Variants in LPCAT3 observed in about 807,000 individuals in gnomAD.
The protein encoded by LPCAT3 is lysophosphatidylcholine acyltransferase 3.
In LPCAT3, 21 loss-of-function variants were observed where a neutral mutation model predicts 63.4. The ratio of observed to expected loss-of-function variants is 0.33; its 90% confidence interval spans 0.23 to 0.48. The LOEUF is 0.48. LPCAT3 is among the 20% of genes least tolerant of loss of function. LPCAT3 has a pLI of 0.99. For missense variants in LPCAT3, 451 were observed against 590.6 expected (o/e 0.76, Z 2.45); for synonymous variants, 242 against 227.5 (o/e 1.06, Z -0.58).
chr12:7,003,994 T>C (rs1946708982), intron 1 of LPCAT3, among the ~76,000 whole-genome samples: 1 of 151,538 alleles, frequency 6.6e-6, no homozygotes, highest in Non-Finnish European at 1.5e-5. Context: ...TCCCAATTCC[T>C]GAAGGGAGGT....
chr12:6,996,058 TCTCA>T (rs1946633425), intron 1 of LPCAT3, among the ~76,000 whole-genome samples: 1 of 152,156 alleles, frequency 6.6e-6, no homozygotes, highest in South Asian at 2.1e-4. Flanking sequence ...AGGCCTCTAT[TCTCA>T]CTCAGATCAA....
intron 1 of LPCAT3, among the ~76,000 whole-genome samples, chr12:6,989,728 T>G (rs1329976305): frequency 6.6e-6 from 1 of 152,150 alleles, no homozygotes; most frequent in East Asian, 1.9e-4. Context: ...CAGTTCCAAG[T>G]GCTGTTTGTG....
At chr12:6,995,389 G>A (rs1380806084) in intron 1 of LPCAT3, among the ~76,000 whole-genome samples, 4 of 151,546 alleles carry the variant, frequency 2.6e-5, no homozygotes, top group African/African-American at 7.3e-5. Context: ...CAGGAGAATC[G>A]CTTGAACCCA....
At chr12:6,979,309 A>T (rs1285513092) in intron 7 of LPCAT3, 162 bp downstream of exon 7, 1 of 627,612 alleles carries the variant, frequency 1.6e-6, no homozygotes, top group Non-Finnish European at 2.8e-6. Flanking sequence ...GCTGATGAAC[A>T]TGTCCCAGCA....
In LPCAT3 at chr12:6,987,892, G is replaced by A. The variant is rs1404488530; in HGVS notation, c.152-4353C>T. On this transcript the variant is annotated intron_variant, in intron 1 of 12. Transcript: ENST00000261407. The surrounding 1 kb of genome is among the most constrained non-coding windows in gnomAD (Gnocchi z 4.1). Reference sequence around the variant, plus strand: ...CAAGGCCTACACTGTCCTGAGTTCTGAGTTCTTGTGTCCACTTCTTATAGC... The same window carrying A: ...CAAGGCCTACACTGTCCTGAGTTCTAAGTTCTTGTGTCCACTTCTTATAGC... The A allele has an allele frequency of 5.0e-6, 2 of 400,538 alleles. No individual in the cohort carries two copies. The highest frequency in any genetic ancestry group is 8.8e-6 in the Non-Finnish European group (2 of 226,172). 24.8% of individuals were successfully genotyped at this position (400,538 alleles called of 1,614,324 possible). A position where few individuals can be genotyped will look rare whatever the true frequency, so the allele number is the denominator to read the frequency against.
At chr12:6,988,710 C>A (rs1946554124) in intron 1 of LPCAT3, among the ~76,000 whole-genome samples, 1 of 152,096 alleles carries the variant, frequency 6.6e-6, no homozygotes, top group South Asian at 2.1e-4. Context: ...TCTGACAGCC[C>A]CACTAACATC....
intron 1 of LPCAT3, among the ~76,000 whole-genome samples, chr12:7,009,680 C>G (rs957860296): frequency 2.6e-5 from 4 of 152,176 alleles, no homozygotes; most frequent in African/African-American, 9.7e-5. Context: ...GATCTTGGGT[C>G]AAGCATGGTT....
intron 1 of LPCAT3, among the ~76,000 whole-genome samples, chr12:7,012,023 T>A (rs1182146130): frequency 6.6e-6 from 1 of 152,212 alleles, no homozygotes; most frequent in Non-Finnish European, 1.5e-5. Context: ...CAAAGGGAAC[T>A]AAACTGCAGG....
intron 1 of LPCAT3, chr12:6,988,242 A>G (rs186967422): frequency 6.4e-6 from 1 of 157,010 alleles, no homozygotes; most frequent in African/African-American, 2.4e-5. Flanking sequence ...ACATGAGAAG[A>G]AGGCGGAGGA....
chr12:6,988,874 C>G (rs1946558203), intron 1 of LPCAT3, among the ~76,000 whole-genome samples: 1 of 152,142 alleles, frequency 6.6e-6, no homozygotes, highest in Non-Finnish European at 1.5e-5. Context: ...CGCCTGTAAT[C>G]CCAGCACTTT....
At chr12:7,016,722 A>T (rs1591560472) in intron 1 of LPCAT3, among the ~76,000 whole-genome samples, 4 of 152,372 alleles carry the variant, frequency 2.6e-5, no homozygotes, top group African/African-American at 9.6e-5. Context: ...CAATGTCAAA[A>T]ATAACTGGGT....
intron 1 of LPCAT3, among the ~76,000 whole-genome samples, chr12:7,001,978 A>G (rs1946690563): frequency 6.6e-6 from 1 of 152,108 alleles, no homozygotes; most frequent in African/African-American, 2.4e-5. Context: ...TGCATTTTAT[A>G]TGCTAGAGCT....
At chr12:7,014,649 C>G (rs1555157439) in intron 1 of LPCAT3, among the ~76,000 whole-genome samples, 1 of 151,960 alleles carries the variant, frequency 6.6e-6, no homozygotes, top group South Asian at 2.1e-4. Context: ...GTAATTCCAG[C>G]ACTTTGGGAG....
At chr12:7,014,585 TAAAAATTGCAGCCTCGGCTGGGCGC>T (rs1464697389) in intron 1 of LPCAT3, among the ~76,000 whole-genome samples, 1 of 152,126 alleles carries the variant, frequency 6.6e-6, no homozygotes, top group Non-Finnish European at 1.5e-5. Context: ...TATTGAATAT[TAAAAATTGCAGCCTCGGCTGGGCGC>T]GGTGGCTCAT....
rs1555154873 is a variant in LPCAT3 at position 6,986,746 on chromosome 12, C to T, written c.152-3207G>A. Reference sequence around the variant, plus strand: ...TGCAGTGAGCAGAGATTGCAGTGAGCAGAGAGAGCCACTGCACTCCAGCCT... The same window carrying T: ...TGCAGTGAGCAGAGATTGCAGTGAGTAGAGAGAGCCACTGCACTCCAGCCT... On this transcript the variant is annotated intron_variant, in intron 1 of 12. Coordinates refer to ENST00000261407, the MANE Select transcript of LPCAT3 (RefSeq NM_005768.6). Among the ~76,000 whole-genome samples the T allele has an allele frequency of 7.7e-3, 999 of 130,316 alleles. 13 individuals are homozygous for T. Among genetic ancestry groups the T allele is most frequent in the African/African-American group, 0.027 (916 of 33,496 alleles). The allele number at this position is 130,316 out of a possible 152,430, so 85.5% of individuals were successfully genotyped here. A position where few individuals can be genotyped will look rare whatever the true frequency, so the allele number is the denominator to read the frequency against.
chr12:6,990,189 AAAATAAATAAAT>A (rs1288533127), intron 1 of LPCAT3, among the ~76,000 whole-genome samples: 1 of 147,934 alleles, frequency 6.8e-6, no homozygotes, highest in Non-Finnish European at 1.5e-5. Context: ...CCCTGTCTCA[AAAATAAATAAAT>A]AAATAAATAA....
Position 6,977,693 on chromosome 12 carries a change from G to A in LPCAT3, c.1093C>T (p.Leu365Phe). The stretch of plus-strand genomic sequence containing the variant: ...CAGAGGGCCAGGAATAGCAACGAGA[G>A]ACCCTGAGAGAGTTCTTTATTTCCA... The part of the protein sequence containing the change: ...FLGNKELSQG[L>F]SLLFLALWHG... The change falls in exon 10 of 13, where the codon CTC (leucine) becomes TTC (phenylalanine). Residue 365 changes from leucine (L) to phenylalanine (F), a missense_variant. Transcript: ENST00000261407. This position sits in a 1 kb window ranked among gnomAD's most constrained non-coding sequence, Gnocchi z 4.5. 6.2e-7 allele frequency: 1 copy of A among 1,614,228 alleles called. No homozygotes were observed. The highest frequency in any genetic ancestry group is 8.5e-7 in the Non-Finnish European group (1 of 1,180,052).
Position 6,976,810 on chromosome 12 carries a change from CT to C in LPCAT3, c.*93del. The C allele has an allele frequency of 5.0e-6, 1 of 200,310 alleles. No individual in the cohort carries two copies. Among genetic ancestry groups the C allele is most frequent in the South Asian group, 1.2e-4 (1 of 8,610 alleles). 12.4% of individuals were successfully genotyped at this position (200,310 alleles called of 1,614,324 possible). On this transcript the variant is annotated 3_prime_UTR_variant, in exon 13 of 13. Coordinates refer to ENST00000261407, the MANE Select transcript of LPCAT3 (RefSeq NM_005768.6). ...AAGCATCGATCTTCCACCTCCCTGG[CT>C]TTTCCATTCTCTGCTCTGGGGCAAA... is the stretch of plus-strand genomic sequence containing the variant.
chr12:7,006,768 G>T (rs1238379197), intron 1 of LPCAT3, among the ~76,000 whole-genome samples: 1 of 152,108 alleles, frequency 6.6e-6, no homozygotes, highest in African/African-American at 2.4e-5. Context: ...GGAACTTTAT[G>T]TGTACTATTT....
Sources: allele counts gnomAD v4.1 joint callset (sites outside exome capture counted in the v4.1 genomes callset), GRCh38; gene constraint gnomAD v4.1.1; non-coding constraint Gnocchi (gnomAD v3.1); transcripts MANE v1.5; gene names NCBI Gene and HGNC (gene_info 2026-07-23, HGNC 2026-07-21).